Variants in SYNE1 observed in about 807,000 individuals in gnomAD.
SYNE1 encodes the protein nesprin-1.
A neutral mutation model predicts 1,111.0 loss-of-function variants in SYNE1; 616 were observed. The ratio of observed to expected loss-of-function variants is 0.55; its 90% confidence interval spans 0.52 to 0.59. The LOEUF (loss-of-function observed/expected upper bound fraction) is 0.59. Among genes scored for constraint, SYNE1 ranks in the 20% least tolerant of loss-of-function variants. The pLI is 0.00. For missense variants in SYNE1, 10,006 were observed against 10,417.0 expected (o/e 0.96, Z 1.72); for synonymous variants, 3,855 against 3,825.8 (o/e 1.01, Z -0.28).
intron 105 of SYNE1, among the ~76,000 whole-genome samples, chr6:152,248,909 C>T (rs1441318630): frequency 6.6e-6 from 1 of 152,184 alleles, no homozygotes; most frequent in Non-Finnish European, 1.5e-5. Context: ...CATCATTGGG[C>T]AGAAAACTCC....
intron 95 of SYNE1, among the ~76,000 whole-genome samples, chr6:152,285,693 C>A (rs2094290815): frequency 6.6e-6 from 1 of 152,226 alleles, no homozygotes. Context: ...TCTATTCATC[C>A]TTTGCTCTTA....
chr6:152,585,573 T>A (rs1312569587), intron 3 of SYNE1, among the ~76,000 whole-genome samples: 2 of 152,234 alleles, frequency 1.3e-5, no homozygotes, highest in African/African-American at 4.8e-5. Flanking sequence ...ATAACTTCTG[T>A]CATATTTGTG....
At chr6:152,363,366 C>A (rs927942538) in intron 63 of SYNE1, among the ~76,000 whole-genome samples, 1 of 149,650 alleles carries the variant, frequency 6.7e-6, no homozygotes, top group Non-Finnish European at 1.5e-5. Context: ...TGGTGGCGGG[C>A]GCCTGTAGTA....
chr6:152,447,577 G>T lies in SYNE1; in HGVS notation c.3550C>A (p.Leu1184Met). Residue 1184 changes from leucine (L) to methionine (M), a missense_variant, in exon 29 of 146, where the codon CTG becomes ATG. Leu to Met is a conservative substitution (Grantham distance 15, BLOSUM62 2). Transcript: ENST00000367255. The part of the protein sequence containing the change: ...VTKRGETLSW[L>M]KSRLKVLTEV... ...GTCAAAACTTTCAGCCTGGATTTCA[G>T]CCAGCTGAGGGTCTCACCCCTTTTG... 2.5e-6 allele frequency: 4 copies of T among 1,614,156 alleles called. No individual in the cohort carries two copies. Among genetic ancestry groups the T allele is most frequent in the Non-Finnish European group, 3.4e-6 (4 of 1,180,016 alleles).
In SYNE1 at chr6:152,302,076, T is replaced by C. The variant is rs781156812; in HGVS notation, c.17347-13A>G. 1.9e-6 allele frequency: 3 copies of C among 1,614,198 alleles called. No homozygotes were observed. Among genetic ancestry groups the C allele is most frequent in the African/African-American group, 1.3e-5 (1 of 75,070 alleles). On this transcript the variant is annotated splice_polypyrimidine_tract_variant and intron_variant, in intron 91 of 145. Transcript: ENST00000367255. Reference sequence around the variant, plus strand: ...TCTGCGCCAGCTCCTGAGGAAACATTTCCCCCACCGGGGTGTCAGAGCAGC... The same window carrying C: ...TCTGCGCCAGCTCCTGAGGAAACATCTCCCCCACCGGGGTGTCAGAGCAGC...
chr6:152,449,463 G>T, intron 28 of SYNE1, 70 bp downstream of exon 28: 1 of 1,171,092 alleles, frequency 8.5e-7, no homozygotes, highest in Non-Finnish European at 1.3e-6. Flanking sequence ...GCAGAGAACC[G>T]TTAGATTCTC....
chr6:152,218,614 C>A (rs2079323183), intron 120 of SYNE1, among the ~76,000 whole-genome samples: 1 of 152,108 alleles, frequency 6.6e-6, no homozygotes, highest in African/African-American at 2.4e-5. Flanking sequence ...TTTCTATGCA[C>A]CATAAGTCAA....
chr6:152,188,771 AC>A (rs1456444267), intron 128 of SYNE1, among the ~76,000 whole-genome samples: 3 of 151,396 alleles, frequency 2.0e-5, no homozygotes, highest in Non-Finnish European at 4.4e-5. Context: ...ATCCTGGCTA[AC>A]ACGGTGAAAC....
At chr6:152,288,032 T>C (rs1255617221) in intron 95 of SYNE1, among the ~76,000 whole-genome samples, 4 of 152,234 alleles carry the variant, frequency 2.6e-5, no homozygotes, top group African/African-American at 4.8e-5. Context: ...TATTTCATAA[T>C]AATGTTTTGT....
intron 118 of SYNE1, 131 bp from the exon 119 acceptor site, chr6:152,221,177 A>G (rs763707221): frequency 4.6e-5 from 54 of 1,166,036 alleles, no homozygotes; most frequent in Non-Finnish European, 6.4e-5. Context: ...CATAATAAAA[A>G]TTAATGTTTC....
chr6:152,510,126 G>C, intron 8 of SYNE1, 67 bp downstream of exon 8: 2 of 1,469,024 alleles, frequency 1.4e-6, no homozygotes, highest in Non-Finnish European at 1.9e-6. Flanking sequence ...ATCATTAGAA[G>C]TTGCAATTAG....
At chr6:152,178,422 T>G (rs1312013192) in intron 129 of SYNE1, among the ~76,000 whole-genome samples, 1 of 152,018 alleles carries the variant, frequency 6.6e-6, no homozygotes, top group Non-Finnish European at 1.5e-5. Context: ...CAGCCAAGAG[T>G]TTTAAGTTTT....
chr6:152,279,907 G>T (rs562151734), intron 97 of SYNE1, among the ~76,000 whole-genome samples: 2 of 152,104 alleles, frequency 1.3e-5, no homozygotes, highest in African/African-American at 4.8e-5. Context: ...GGTCTGTGAT[G>T]CTTTTAGAGC....
At chr6:152,399,311 T>C (rs1014031944) in intron 48 of SYNE1, among the ~76,000 whole-genome samples, 1 of 152,218 alleles carries the variant, frequency 6.6e-6, no homozygotes, top group African/African-American at 2.4e-5. Context: ...TGCTGGCCAC[T>C]TGAGCAGTGG....
In SYNE1 at chr6:152,425,495, T is replaced by G; in HGVS notation, c.5153A>C (p.Gln1718Pro). 6.2e-7 allele frequency: 1 copy of G among 1,614,200 alleles called. No individual in the cohort carries two copies. Among genetic ancestry groups the G allele is most frequent in the East Asian group, 2.2e-5 (1 of 44,876 alleles). ...SQASFYSKLLQLKESLFSVAS... is the reference protein window; with the variant it reads ...SQASFYSKLLPLKESLFSVAS... Reference sequence around the variant, plus strand: ...TACTGAGAACAATGATTCCTTCAATTGCAAAAGTTTGCTATAGAATGAGGC... The same window carrying G: ...TACTGAGAACAATGATTCCTTCAATGGCAAAAGTTTGCTATAGAATGAGGC... The change falls in exon 39 of 146, where the codon CAA becomes CCA. Residue 1718 changes from glutamine to proline, a missense_variant. This residue lies in a region of SYNE1 where 1,971 missense variants were observed against 2,084.1 expected (regional missense o/e 0.95). Coordinates refer to ENST00000367255, the MANE Select transcript of SYNE1 (RefSeq NM_182961.4).
At chr6:152,486,027 G>A (rs2098937406) in intron 12 of SYNE1, among the ~76,000 whole-genome samples, 1 of 151,744 alleles carries the variant, frequency 6.6e-6, no homozygotes, top group Admixed American at 6.6e-5. Context: ...AAAGCCCGTC[G>A]CCATTAAAAA....
At chr6:152,217,147 C>T (rs1196100568) in intron 121 of SYNE1, among the ~76,000 whole-genome samples, 1 of 139,088 alleles carries the variant, frequency 7.2e-6, no homozygotes, top group Non-Finnish European at 1.5e-5. Flanking sequence ...GTAATCCCAG[C>T]ACTTTGGGAG....
At position 152,239,580 on chromosome 6, in the gene SYNE1, G is replaced by A; in HGVS notation, c.20020C>T (p.Leu6674=). 1 of 1,614,198 alleles carries A rather than the reference G, an allele frequency of 6.2e-7. No homozygotes were observed. The highest frequency in any genetic ancestry group is 8.5e-7 in the Non-Finnish European group (1 of 1,180,036). ...TELMAQASAV[L]KRAHKRGVEL... ...ACACCCCTCTTGTGAGCCCGTTTCA[G>A]TACAGCAGAAGCCTGAGCCATCAGC... Residue 6674 remains leucine, a synonymous_variant, in exon 108 of 146, where the codon CTG becomes TTG. Transcript: ENST00000367255.
chr6:152,200,793 TTC>T (rs2075258896), intron 127 of SYNE1, among the ~76,000 whole-genome samples: 1 of 152,236 alleles, frequency 6.6e-6, no homozygotes, highest in Non-Finnish European at 1.5e-5. Context: ...AAGATAGTAC[TTC>T]TTTCACTTTC....
Sources: allele counts gnomAD v4.1 joint callset (sites outside exome capture counted in the v4.1 genomes callset), GRCh38; gene constraint gnomAD v4.1.1; regional missense constraint gnomAD v4.1.1; transcripts MANE v1.5; gene names NCBI Gene and HGNC (gene_info 2026-07-23, HGNC 2026-07-21).